Variants in MAP7 observed in about 807,000 individuals in gnomAD.
The protein encoded by MAP7 is microtubule associated protein 7.
A neutral mutation model predicts 94.8 loss-of-function variants in MAP7; 52 were observed. That is an observed-to-expected ratio of 0.55 (90% CI 0.44 to 0.69). MAP7 has a LOEUF of 0.69. Among genes scored for constraint, MAP7 ranks in the 30% least tolerant of loss-of-function variants. MAP7 has a pLI of 0.00. For synonymous variants in MAP7, 350 were observed against 357.0 expected (o/e 0.98, Z 0.22); for missense variants, 940 against 964.6 (o/e 0.97, Z 0.34).
rs745584728 is a variant in MAP7, at chr6:136,361,166, C to T, written c.1540G>A (p.Glu514Lys). ...QEELERQKRE[E>K]LAQRVAEERT... ...TCTTCAGCCACACGTTGAGCCAATT[C>T]CTCTCTCTTTTGTCTGGAAAAAGAC... The change falls in exon 12 of 18, where the codon GAA becomes AAA. Residue 514 changes from glutamate (E) to lysine (K), a missense_variant. Transcript: ENST00000354570. 7 of 1,603,198 alleles carry T rather than the reference C, an allele frequency of 4.4e-6. No homozygotes were observed. The highest frequency in any genetic ancestry group is 5.1e-6 in the Non-Finnish European group (6 of 1,179,942).
At chr6:136,502,746 T>C (rs1166021291) in intron 1 of MAP7, among the ~76,000 whole-genome samples, 1 of 152,230 alleles carries the variant, frequency 6.6e-6, no homozygotes, top group African/African-American at 2.4e-5. Context: ...TTTGATATGC[T>C]TACTCTAAGC....
chr6:136,362,640 C>T lies in MAP7; in HGVS notation c.1336G>A (p.Ala446Thr). Residue 446 changes from alanine to threonine, a missense_variant, in exon 11 of 18, where the codon GCC (alanine) becomes ACC (threonine). Physicochemically the swap from Ala to Thr is moderately conservative, Grantham distance 58. Transcript: ENST00000354570. Reference sequence around the variant, plus strand: ...ACCATGGCTGGGGTGGGGACCGGGGCTGGAGCTGGGGCCGAGGCTGGAGCT... The same window carrying T: ...ACCATGGCTGGGGTGGGGACCGGGGTTGGAGCTGGGGCCGAGGCTGGAGCT... ...APAPASAPAPAPVPTPAMVSA... is the reference protein window; with the variant it reads ...APAPASAPAPTPVPTPAMVSA... 1 of 1,608,880 alleles carries T rather than the reference C, an allele frequency of 6.2e-7. No homozygotes were observed. The highest frequency in any genetic ancestry group is 8.5e-7 in the Non-Finnish European group (1 of 1,177,942).
chr6:136,505,712 C>G (rs1350683810), intron 1 of MAP7, among the ~76,000 whole-genome samples: 1 of 151,938 alleles, frequency 6.6e-6, no homozygotes, highest in Admixed American at 6.6e-5. Flanking sequence ...ATAATCTGTA[C>G]AACACCCGTG....
intron 1 of MAP7, among the ~76,000 whole-genome samples, chr6:136,533,598 T>C (rs1245900318): frequency 1.3e-5 from 2 of 152,134 alleles, no homozygotes; most frequent in African/African-American, 4.8e-5. Flanking sequence ...ATTTACAAAG[T>C]TTTGTTTTGG....
chr6:136,485,552 CAG>C (rs1434891157), intron 1 of MAP7, among the ~76,000 whole-genome samples: 10 of 136,884 alleles, frequency 7.3e-5, no homozygotes, highest in Admixed American at 5.1e-4. Context: ...AATTCCACTT[CAG>C]ATTTTTTTTT....
chr6:136,353,234 C>T (rs1235490940), intron 16 of MAP7, among the ~76,000 whole-genome samples: 1 of 152,202 alleles, frequency 6.6e-6, no homozygotes, highest in Non-Finnish European at 1.5e-5. Context: ...TACATAATTT[C>T]AGTGCTCCAT....
At chr6:136,365,667 A>C in intron 10 of MAP7, 68 bp downstream of exon 10, 1 of 1,516,368 alleles carries the variant, frequency 6.6e-7, no homozygotes, top group East Asian at 2.3e-5. Flanking sequence ...GAAAACAAAA[A>C]AAGCTTCATC....
intron 3 of MAP7, among the ~76,000 whole-genome samples, chr6:136,408,383 G>A (rs1786285506): frequency 6.6e-6 from 1 of 152,142 alleles, no homozygotes. Context: ...ATCAAAGCAT[G>A]ACTCAGAGAT....
intron 1 of MAP7, among the ~76,000 whole-genome samples, chr6:136,533,785 A>G (rs1053302513): frequency 6.6e-5 from 10 of 152,158 alleles, no homozygotes; most frequent in Non-Finnish European, 1.2e-4. Flanking sequence ...ATGAGAACTC[A>G]CTCATTACCA....
chr6:136,517,076 G>A (rs1008580758), intron 1 of MAP7, among the ~76,000 whole-genome samples: 1 of 152,074 alleles, frequency 6.6e-6, no homozygotes, highest in Non-Finnish European at 1.5e-5. Flanking sequence ...TAATCCCAAG[G>A]AATAACAGGT....
rs543302832 is a variant in MAP7 at position 136,460,303 on chromosome 6, C to T, written c.68-38504G>A. Among the ~76,000 whole-genome samples the T allele has an allele frequency of 1.9e-4, 29 of 152,086 alleles. No individual in the cohort carries two copies. In the East Asian group the frequency reaches 5.4e-3, roughly 28 times the overall value. ...TTGATTATTAATATGCACATTGATG[C>T]TGAGAGGGAATACATGAAAATTGCT... On this transcript the variant is annotated intron_variant, in intron 1 of 17. Transcript: ENST00000354570.
intron 6 of MAP7, among the ~76,000 whole-genome samples, chr6:136,378,486 G>C (rs1776868454): frequency 6.6e-6 from 1 of 152,124 alleles, no homozygotes. Flanking sequence ...TTTTCACTTG[G>C]CAAGCCAAGT....
At chr6:136,463,503 C>T (rs1805934661) in intron 1 of MAP7, among the ~76,000 whole-genome samples, 1 of 151,876 alleles carries the variant, frequency 6.6e-6, no homozygotes, top group African/African-American at 2.4e-5. Context: ...CCAAAATGTT[C>T]TTTAGTCTTT....
chr6:136,471,591 A>G (rs1020212234), intron 1 of MAP7, among the ~76,000 whole-genome samples: 4 of 152,122 alleles, frequency 2.6e-5, no homozygotes, highest in African/African-American at 9.7e-5. Flanking sequence ...TACCTTGGAC[A>G]GTGACAAAAG....
chr6:136,367,347 T>C (rs766841445), intron 8 of MAP7, among the ~76,000 whole-genome samples: 1 of 152,210 alleles, frequency 6.6e-6, no homozygotes, highest in Admixed American at 6.5e-5. Context: ...TGTGAACACC[T>C]GTCAGGAGGG....
At chr6:136,486,013 T>G (rs117295617) in intron 1 of MAP7, among the ~76,000 whole-genome samples, 1 of 152,180 alleles carries the variant, frequency 6.6e-6, no homozygotes, top group South Asian at 2.1e-4. Context: ...GTACATCTAA[T>G]AGACCAATTA....
At chr6:136,502,707 A>G (rs1299306765) in intron 1 of MAP7, among the ~76,000 whole-genome samples, 1 of 152,238 alleles carries the variant, frequency 6.6e-6, no homozygotes, top group African/African-American at 2.4e-5. Context: ...GTAGTTTTAA[A>G]TTATAAGTAC....
intron 6 of MAP7, 46 bp downstream of exon 6, chr6:136,383,625 C>T: frequency 9.7e-7 from 1 of 1,033,772 alleles, no homozygotes; most frequent in Non-Finnish European, 1.4e-6. Flanking sequence ...GAAAAAAAAG[C>T]ATTAAGTAAA....
intron 1 of MAP7, among the ~76,000 whole-genome samples, chr6:136,444,246 C>T (rs1189289859): frequency 6.6e-6 from 1 of 152,150 alleles, no homozygotes; most frequent in East Asian, 1.9e-4. Flanking sequence ...AATGCAGATT[C>T]CTATGCCCCA....
Sources: gnomAD v4.1 joint callset for allele counts (sites outside exome capture counted in the v4.1 genomes callset) on GRCh38, gnomAD v4.1.1 for gene constraint, MANE v1.5 for transcripts, NCBI Gene and HGNC (gene_info 2026-07-23, HGNC 2026-07-21) for gene names.